The following KHDRBS2 variants were observed in gnomAD, a reference collection of about 807,000 sequenced individuals.
KHDRBS2 encodes the protein KH domain-containing, RNA-binding, signal transduction-associated protein 2.
Under a neutral mutation model 44.3 loss-of-function variants are expected in KHDRBS2, and 26 were observed. The observed-to-expected ratio is 0.59, with a 90% confidence interval of 0.43 to 0.81. The LOEUF (loss-of-function observed/expected upper bound fraction) is 0.81, where lower values mean the gene tolerates loss of function less well. Ranked by LOEUF, KHDRBS2 falls within the 40% of genes least tolerant of loss-of-function variation. The pLI is 0.00. For missense variants in KHDRBS2, 476 were observed against 433.1 expected, an observed-to-expected ratio of 1.10 and a Z score of -0.88; for synonymous variants, 194 against 151.1, an observed-to-expected ratio of 1.28 and a Z score of -2.08.
chr6:62,083,872 T>A (rs1339784963), intron 2 of KHDRBS2, among the ~76,000 whole-genome samples: 1 of 152,166 alleles, frequency 6.6e-6, no homozygotes, highest in Non-Finnish European at 1.5e-5. Flanking sequence ...TTCATTACAC[T>A]AGTTGTTTTC....
chr6:61,828,986 C>T (rs1791360602), intron 6 of KHDRBS2, among the ~76,000 whole-genome samples: 2 of 152,196 alleles, frequency 1.3e-5, no homozygotes, highest in Admixed American at 1.3e-4. Context: ...CCACTAAGTA[C>T]AAGCAAAATG....
At chr6:62,272,760 G>A (rs1235605079) in intron 1 of KHDRBS2, among the ~76,000 whole-genome samples, 1 of 152,146 alleles carries the variant, frequency 6.6e-6, no homozygotes, top group African/African-American at 2.4e-5. Flanking sequence ...TCCAAGAACA[G>A]TCCTATAAAA....
chr6:61,593,591 T>C, the KHDRBS2 span, among the ~76,000 whole-genome samples: 29 of 152,100 alleles, frequency 1.9e-4, no homozygotes, highest in Admixed American at 1.9e-3. Flanking sequence ...AGTCTTATTA[T>C]ACTTGTCCTG....
At chr6:61,741,595 A>C (rs1776143694) in intron 6 of KHDRBS2, among the ~76,000 whole-genome samples, 2 of 151,910 alleles carry the variant, frequency 1.3e-5, no homozygotes, top group Non-Finnish European at 2.9e-5. Context: ...ATAGGACTCA[A>C]TAGGTAGTTT....
chr6:62,074,626 C>A (rs1345779081), intron 2 of KHDRBS2, among the ~76,000 whole-genome samples: 1 of 151,728 alleles, frequency 6.6e-6, no homozygotes, highest in Non-Finnish European at 1.5e-5. Flanking sequence ...ACTAGATCAA[C>A]GTTTCAAGAA....
chr6:61,975,048 T>C (rs1294221598), intron 4 of KHDRBS2, among the ~76,000 whole-genome samples: 2 of 152,124 alleles, frequency 1.3e-5, no homozygotes, highest in South Asian at 2.1e-4. Context: ...TAATAATTCT[T>C]TTGTCTTCAG....
the KHDRBS2 span, among the ~76,000 whole-genome samples, chr6:61,575,802 A>C: frequency 2.0e-5 from 3 of 152,200 alleles, no homozygotes; most frequent in East Asian, 5.8e-4. Flanking sequence ...TGGCATCTGC[A>C]GCAACCTGGA....
At chr6:61,673,357 C>T in the KHDRBS2 span, among the ~76,000 whole-genome samples, 1 of 151,994 alleles carries the variant, frequency 6.6e-6, no homozygotes, top group African/African-American at 2.4e-5. Flanking sequence ...CCTTTGAAAA[C>T]TGGCACAAGA....
intron 2 of KHDRBS2, among the ~76,000 whole-genome samples, chr6:62,079,241 T>A (rs1362206552): frequency 6.6e-6 from 1 of 151,996 alleles, no homozygotes; most frequent in Non-Finnish European, 1.5e-5. Flanking sequence ...TGAAAAGTGT[T>A]TTTTTCTATT....
chr6:62,278,372 T>C (rs1298550728), intron 1 of KHDRBS2, among the ~76,000 whole-genome samples: 1 of 152,078 alleles, frequency 6.6e-6, no homozygotes, highest in East Asian at 1.9e-4. Context: ...CACTATAGAC[T>C]GTATACATAA....
At chr6:61,957,312 G>A (rs1289319754) in intron 4 of KHDRBS2, among the ~76,000 whole-genome samples, 4 of 152,254 alleles carry the variant, frequency 2.6e-5, no homozygotes, top group Admixed American at 2.6e-4. Flanking sequence ...TAAAAGAACA[G>A]GATAACAGCA....
At chr6:62,210,361 G>A (rs1160814259) in intron 1 of KHDRBS2, among the ~76,000 whole-genome samples, 1 of 127,248 alleles carries the variant, frequency 7.9e-6, no homozygotes, top group Non-Finnish European at 1.6e-5. Flanking sequence ...ACGAAGTCTC[G>A]CTCTTGTCCC....
chr6:62,121,587 C>A (rs1242502630), intron 2 of KHDRBS2, among the ~76,000 whole-genome samples: 1 of 152,216 alleles, frequency 6.6e-6, no homozygotes, highest in Non-Finnish European at 1.5e-5. Flanking sequence ...ATAACACCAA[C>A]CAGAAGTAAT....
At chr6:61,914,525 G>A (rs533637685) in intron 4 of KHDRBS2, among the ~76,000 whole-genome samples, 1 of 145,940 alleles carries the variant, frequency 6.9e-6, no homozygotes, top group African/African-American at 2.5e-5. Flanking sequence ...AGGGGGAGGG[G>A]GGAGGGATAG....
intron 2 of KHDRBS2, among the ~76,000 whole-genome samples, chr6:62,173,844 T>G (rs1174814200): frequency 6.6e-6 from 1 of 151,936 alleles, no homozygotes; most frequent in East Asian, 1.9e-4. Context: ...CACAAAATTA[T>G]TTCAATAAAA....
chr6:62,210,679 AT>A (rs1828896525), intron 1 of KHDRBS2, among the ~76,000 whole-genome samples: 1 of 152,062 alleles, frequency 6.6e-6, no homozygotes, highest in Non-Finnish European at 1.5e-5. Flanking sequence ...ATTTATTCAC[AT>A]TTTTCCAATT....
At chr6:61,600,731 G>A in the KHDRBS2 span, among the ~76,000 whole-genome samples, 1 of 152,018 alleles carries the variant, frequency 6.6e-6, no homozygotes, top group East Asian at 1.9e-4. Context: ...TACGACTTCT[G>A]GTCCTTAGAC....
chr6:61,733,137 T>A (rs1244388496), intron 6 of KHDRBS2, among the ~76,000 whole-genome samples: 1 of 152,300 alleles, frequency 6.6e-6, no homozygotes, highest in Admixed American at 6.5e-5. Flanking sequence ...CACTGGGAAT[T>A]TTTTCTTCTC....
chr6:62,138,079 T>A (rs536804118), intron 2 of KHDRBS2, among the ~76,000 whole-genome samples: 1 of 152,214 alleles, frequency 6.6e-6, no homozygotes, highest in Non-Finnish European at 1.5e-5. Flanking sequence ...GGGCTGACTC[T>A]GCCACAGAAG....
Sources: gnomAD v4.1 joint callset for allele counts (sites outside exome capture counted in the v4.1 genomes callset) on GRCh38, gnomAD v4.1.1 for gene constraint, MANE v1.5 for transcripts, NCBI Gene and HGNC (gene_info 2026-07-23, HGNC 2026-07-21) for gene names.